LEKR1: variants seen among roughly 807,000 people sequenced by gnomAD.
LEKR1 encodes the protein leucine, glutamate and lysine rich 1.
A neutral mutation model predicts 72.4 loss-of-function variants in LEKR1; 59 were observed. That is an observed-to-expected ratio of 0.82 (90% CI 0.66 to 1.01). The LOEUF (loss-of-function observed/expected upper bound fraction) is 1.01. Among genes scored for constraint, LEKR1 ranks in the 50% least tolerant of loss-of-function variants. The pLI, the probability that LEKR1 is intolerant of heterozygous loss-of-function variation, is 0.00. For synonymous variants in LEKR1, 257 were observed against 263.2 expected, an observed-to-expected ratio of 0.98 and a Z score of 0.23; for missense variants, 728 against 759.2, an observed-to-expected ratio of 0.96 and a Z score of 0.48.
At chr3:157,020,139 C>A (rs547975983) in intron 10 of LEKR1, among the ~76,000 whole-genome samples, 1 of 152,156 alleles carries the variant, frequency 6.6e-6, no homozygotes, top group African/African-American at 2.4e-5. Flanking sequence ...GCAACAAGAT[C>A]TTGCTTTCTA....
intron 6 of LEKR1, among the ~76,000 whole-genome samples, chr3:156,958,796 A>G (rs190356878): frequency 6.6e-6 from 1 of 152,128 alleles, no homozygotes; most frequent in African/African-American, 2.4e-5. Context: ...CTAGCTTCAC[A>G]CTGGTTTTAT....
At chr3:156,932,494 C>G (rs112775805) in intron 5 of LEKR1, among the ~76,000 whole-genome samples, 4 of 152,160 alleles carry the variant, frequency 2.6e-5, no homozygotes, top group African/African-American at 9.6e-5. Context: ...AAGTCAATAG[C>G]TTGAGCTCAA....
chr3:157,032,235 C>T (rs1308933748), intron 12 of LEKR1, among the ~76,000 whole-genome samples: 1 of 152,104 alleles, frequency 6.6e-6, no homozygotes, highest in Admixed American at 6.6e-5. Flanking sequence ...TATTACGGAC[C>T]TTGTTGTGAT....
At position 156,920,775 on chromosome 3, in the gene LEKR1, G is replaced by A. The variant is rs151025080; in HGVS notation, c.383+81G>A. 6 of 765,474 alleles carry A rather than the reference G, an allele frequency of 7.8e-6. No individual in the cohort carries two copies. In the East Asian group the frequency reaches 1.2e-4, roughly 15 times the overall value. 47.4% of individuals were successfully genotyped at this position (765,474 alleles called of 1,614,324 possible). ...TTTGTAAATAGCCAAACACATTTTA[G>A]TAATATGGTTTCTATATCTGGTGTG... On this transcript the variant is annotated intron_variant, in intron 4 of 12. Transcript: ENST00000356539.
chr3:156,982,252 G>C (rs1180422800), intron 7 of LEKR1, among the ~76,000 whole-genome samples: 2 of 152,114 alleles, frequency 1.3e-5, no homozygotes, highest in East Asian at 1.9e-4. Flanking sequence ...TGTTCTTTCT[G>C]TCTCCATCCT....
chr3:156,902,980 A>C (rs1028397519), intron 3 of LEKR1, among the ~76,000 whole-genome samples: 1 of 152,048 alleles, frequency 6.6e-6, no homozygotes, highest in Non-Finnish European at 1.5e-5. Context: ...ACATTGAGTA[A>C]ATAATTTTCT....
intron 12 of LEKR1, among the ~76,000 whole-genome samples, chr3:157,034,067 C>T (rs979212928): frequency 2.6e-5 from 4 of 151,972 alleles, no homozygotes; most frequent in Middle Eastern, 6.3e-3. Flanking sequence ...AAAAAAATCC[C>T]TTTCAAAATA....
At chr3:156,942,197 GATCATTTCAATAAAACCTATA>G (rs1726270833) in intron 5 of LEKR1, among the ~76,000 whole-genome samples, 1 of 151,742 alleles carries the variant, frequency 6.6e-6, no homozygotes, top group Non-Finnish European at 1.5e-5. Context: ...TTAAAAAAAA[GATCATTTCAATAAAACCTATA>G]ACATTACACA....
intron 3 of LEKR1, among the ~76,000 whole-genome samples, chr3:156,892,312 C>T (rs574423677): frequency 6.6e-6 from 1 of 152,222 alleles, no homozygotes; most frequent in South Asian, 2.1e-4. Context: ...AAGGAGAGGA[C>T]TCAATGGGAG....
Position 157,025,486 on chromosome 3 carries a change from C to G in LEKR1, c.1368+562C>G, listed in dbSNP as rs1734121177. Among the ~76,000 whole-genome samples the G allele has an allele frequency of 3.3e-5, 5 of 151,988 alleles. No individual in the cohort carries two copies. The South Asian group carries it at 8.3e-4, about 25-fold the overall frequency. On this transcript the variant is annotated intron_variant, in intron 11 of 12. Transcript: ENST00000356539. ...TGTGTGTGTGTGTATGTGTATTAAT[C>G]AAGACCTAGTGGGGAAATAACATTT...
chr3:156,869,497 T>C (rs1717672555), intron 3 of LEKR1, among the ~76,000 whole-genome samples: 1 of 152,140 alleles, frequency 6.6e-6, no homozygotes. Context: ...TTGTATGTCT[T>C]CCTTAGAAAA....
intron 6 of LEKR1, among the ~76,000 whole-genome samples, chr3:156,969,222 G>A (rs1362383595): frequency 1.3e-5 from 2 of 152,058 alleles, no homozygotes; most frequent in Non-Finnish European, 2.9e-5. Flanking sequence ...AAGAACTAGA[G>A]AAGCAAGAGC....
chr3:156,899,546 A>G (rs1389767046), intron 3 of LEKR1, among the ~76,000 whole-genome samples: 1 of 118,110 alleles, frequency 8.5e-6, no homozygotes, highest in African/African-American at 3.5e-5. Flanking sequence ...ATATACATAT[A>G]TACACATATA....
At chr3:156,970,497 G>A (rs1383464037) in intron 6 of LEKR1, among the ~76,000 whole-genome samples, 1 of 151,872 alleles carries the variant, frequency 6.6e-6, no homozygotes, top group Non-Finnish European at 1.5e-5. Context: ...ATCTTGAATT[G>A]ATTTTTGTAT....
chr3:156,994,919 T>A (rs1484180027), intron 9 of LEKR1, among the ~76,000 whole-genome samples: 5 of 152,238 alleles, frequency 3.3e-5, no homozygotes, highest in Non-Finnish European at 7.3e-5. Flanking sequence ...GAGAAGAACC[T>A]GTCTTTGTCT....
chr3:156,985,948 C>G (rs1730641351), intron 7 of LEKR1, among the ~76,000 whole-genome samples: 1 of 151,630 alleles, frequency 6.6e-6, no homozygotes, highest in Non-Finnish European at 1.5e-5. Flanking sequence ...GCAAGAGGGT[C>G]AAAGTCACAA....
At chr3:157,015,302 A>C (rs1733220959) in intron 10 of LEKR1, among the ~76,000 whole-genome samples, 1 of 152,194 alleles carries the variant, frequency 6.6e-6, no homozygotes, top group African/African-American at 2.4e-5. Context: ...TCCGCCTTGC[A>C]TATGTTTATG....
intron 6 of LEKR1, among the ~76,000 whole-genome samples, chr3:156,962,216 T>G (rs1228481442): frequency 3.3e-5 from 5 of 152,238 alleles, no homozygotes; most frequent in Admixed American, 6.5e-5. Context: ...GAGCACTCAC[T>G]GTAGTGACTT....
chr3:156,986,533 CTG>C (rs1468837834), intron 7 of LEKR1, among the ~76,000 whole-genome samples: 9 of 152,102 alleles, frequency 5.9e-5, no homozygotes, highest in Non-Finnish European at 8.8e-5. Context: ...AGCAAGAAGA[CTG>C]GAAGTGAAAC....
Sources: gnomAD v4.1 joint callset for allele counts (sites outside exome capture counted in the v4.1 genomes callset) on GRCh38, gnomAD v4.1.1 for gene constraint, MANE v1.5 for transcripts, NCBI Gene and HGNC (gene_info 2026-07-23, HGNC 2026-07-21) for gene names.